SRPK2: variants seen among roughly 807,000 people sequenced by gnomAD.
SRPK2 encodes SFRS protein kinase 2.
SRPK2 carries 21 observed loss-of-function variants against 90.8 expected under a neutral mutation model. The observed-to-expected ratio is 0.23, with a 90% confidence interval of 0.16 to 0.33. SRPK2 has a LOEUF of 0.33. Among genes scored for constraint, SRPK2 ranks in the 10% least tolerant of loss-of-function variants. The pLI is 1.00. For synonymous variants in SRPK2, 288 were observed against 311.1 expected (o/e 0.93, Z 0.78); for missense variants, 620 against 869.0 (o/e 0.71, Z 3.60).
At chr7:105,378,297 T>C (rs757685360) in intron 2 of SRPK2, among the ~76,000 whole-genome samples, 30 of 152,106 alleles carry the variant, frequency 2.0e-4, no homozygotes, top group Admixed American at 9.8e-4. Context: ...CCATAATGAT[T>C]AGAAAGATAC....
chr7:105,308,255 T>C (rs1201173221), intron 2 of SRPK2, among the ~76,000 whole-genome samples: 1 of 152,192 alleles, frequency 6.6e-6, no homozygotes, highest in Non-Finnish European at 1.5e-5. Flanking sequence ...TAAAACAGAC[T>C]GAGTTGGCAC....
chr7:105,361,471 CTACTT>C (rs760471767), intron 2 of SRPK2, among the ~76,000 whole-genome samples: 7 of 152,298 alleles, frequency 4.6e-5, no homozygotes, highest in Non-Finnish European at 8.8e-5. Context: ...TTGGAAAAAA[CTACTT>C]TAAAGTTCAT....
chr7:105,388,467 C>T (rs1049838081), intron 2 of SRPK2, among the ~76,000 whole-genome samples, 181 bp downstream of exon 2: 2 of 147,326 alleles, frequency 1.4e-5, no homozygotes, highest in Admixed American at 6.7e-5. Flanking sequence ...GCCCGCGCGC[C>T]CCTCCCCCGC....
intron 2 of SRPK2, among the ~76,000 whole-genome samples, chr7:105,218,536 T>C (rs1375718650): frequency 6.6e-6 from 1 of 152,158 alleles, no homozygotes; most frequent in Non-Finnish European, 1.5e-5. Context: ...GGAAAGTAGA[T>C]ACAAATAGAC....
intron 15 of SRPK2, among the ~76,000 whole-genome samples, chr7:105,118,837 G>A (rs1312057877): frequency 6.6e-6 from 1 of 152,146 alleles, no homozygotes; most frequent in Non-Finnish European, 1.5e-5. Flanking sequence ...CTTGAGTCCA[G>A]GAGGTCAAGG....
intron 15 of SRPK2, among the ~76,000 whole-genome samples, chr7:105,124,820 C>A (rs1584867394): frequency 6.6e-6 from 1 of 151,640 alleles, no homozygotes; most frequent in South Asian, 2.1e-4. Context: ...TATGAAGGAC[C>A]AACTACACTC....
intron 2 of SRPK2, among the ~76,000 whole-genome samples, chr7:105,258,630 C>G (rs1803728040): frequency 6.6e-6 from 1 of 152,228 alleles, no homozygotes; most frequent in Admixed American, 6.5e-5. Context: ...ATGCGAAAAT[C>G]CTCAGTAAAA....
rs1036866941 is a variant in SRPK2, at chr7:105,146,724, T to C, written c.622-66A>G. 6.0e-6 allele frequency: 9 copies of C among 1,495,310 alleles called. No homozygotes were observed. In the South Asian group the frequency reaches 9.6e-5, roughly 16 times the overall value. 92.6% of individuals were successfully genotyped at this position (1,495,310 alleles called of 1,614,324 possible). A position where few individuals can be genotyped will look rare whatever the true frequency, so the allele number is the denominator to read the frequency against. ...ATCTCATTATATAACTTTTATTTAT[T>C]TGAAAAACATGTAATACAATGCCAG... is the stretch of plus-strand genomic sequence containing the variant. On this transcript the variant is annotated intron_variant, in intron 7 of 15. Coordinates refer to ENST00000393651, the MANE Select transcript of SRPK2 (RefSeq NM_182692.3).
intron 2 of SRPK2, among the ~76,000 whole-genome samples, chr7:105,286,340 T>C (rs1808099772): frequency 6.6e-6 from 1 of 152,232 alleles, no homozygotes; most frequent in Non-Finnish European, 1.5e-5. Context: ...TTTTGTCCTC[T>C]CTGCTAATCT....
At chr7:105,353,580 G>T (rs1445547553) in intron 2 of SRPK2, among the ~76,000 whole-genome samples, 5 of 151,950 alleles carry the variant, frequency 3.3e-5, no homozygotes, top group Non-Finnish European at 7.4e-5. Flanking sequence ...TGCTCAGGCT[G>T]GTCTCAAACT....
At chr7:105,240,576 T>TGGA (rs921224805) in intron 2 of SRPK2, among the ~76,000 whole-genome samples, 2 of 151,734 alleles carry the variant, frequency 1.3e-5, no homozygotes, top group African/African-American at 2.4e-5. Context: ...TAGGGGGCAG[T>TGGA]GGAGGAGGAG....
At chr7:105,174,971 G>T (rs1179720548) in intron 3 of SRPK2, among the ~76,000 whole-genome samples, 12 of 151,908 alleles carry the variant, frequency 7.9e-5, no homozygotes, top group Non-Finnish European at 1.8e-4. Context: ...TGACAAAAAC[G>T]CCTCTCTTAC....
At chr7:105,216,755 G>A (rs1348620924) in intron 2 of SRPK2, among the ~76,000 whole-genome samples, 1 of 152,100 alleles carries the variant, frequency 6.6e-6, no homozygotes, top group Non-Finnish European at 1.5e-5. Flanking sequence ...TAGGGCTGGA[G>A]AGTCAAGATA....
chr7:105,194,173 T>C (rs952879096), intron 3 of SRPK2, among the ~76,000 whole-genome samples: 1 of 152,190 alleles, frequency 6.6e-6, no homozygotes, highest in African/African-American at 2.4e-5. Flanking sequence ...ACTCCCAAGG[T>C]TGTGAAGATA....
At chr7:105,231,263 CTCT>C (rs1440183892) in intron 2 of SRPK2, among the ~76,000 whole-genome samples, 1 of 152,180 alleles carries the variant, frequency 6.6e-6, no homozygotes, top group Non-Finnish European at 1.5e-5. Context: ...AATACATTAT[CTCT>C]TCTTTTTTAT....
intron 2 of SRPK2, among the ~76,000 whole-genome samples, chr7:105,360,580 C>T (rs1159208966): frequency 2.6e-5 from 4 of 152,102 alleles, no homozygotes; most frequent in African/African-American, 9.7e-5. Flanking sequence ...GACAAAATCT[C>T]TCAACATTTG....
At chr7:105,250,077 T>C (rs1282583825) in intron 2 of SRPK2, among the ~76,000 whole-genome samples, 1 of 152,186 alleles carries the variant, frequency 6.6e-6, no homozygotes, top group Non-Finnish European at 1.5e-5. Context: ...ACGCCTATAA[T>C]CTCAGCCCTA....
chr7:105,341,357 C>A (rs1156826043), intron 2 of SRPK2, among the ~76,000 whole-genome samples: 12 of 66,762 alleles, frequency 1.8e-4, no homozygotes, highest in East Asian at 7.9e-4. Context: ...GACTCCGTCT[C>A]AAAAAAAAAA....
intron 7 of SRPK2, among the ~76,000 whole-genome samples, chr7:105,149,391 C>T (rs539192393): frequency 2.6e-5 from 4 of 152,128 alleles, no homozygotes; most frequent in African/African-American, 9.7e-5. Flanking sequence ...GACATAGATT[C>T]TATTGCTCAC....
Sources: gnomAD v4.1 joint callset for allele counts (sites outside exome capture counted in the v4.1 genomes callset) on GRCh38, gnomAD v4.1.1 for gene constraint, MANE v1.5 for transcripts, NCBI Gene and HGNC (gene_info 2026-07-23, HGNC 2026-07-21) for gene names.